DHRS12: variants seen among roughly 807,000 people sequenced by gnomAD.
The protein encoded by DHRS12 is dehydrogenase/reductase SDR family member 12.
Under a neutral mutation model 32.1 loss-of-function variants are expected in DHRS12, and 29 were observed. The ratio of observed to expected loss-of-function variants is 0.90; its 90% confidence interval spans 0.67 to 1.23. DHRS12 has a LOEUF of 1.23. Among genes scored for constraint, DHRS12 ranks in the 50% most tolerant of loss-of-function variants. DHRS12 has a pLI of 0.00. For synonymous variants in DHRS12, 150 were observed against 135.9 expected (o/e 1.10, Z -0.72); for missense variants, 330 against 337.2 (o/e 0.98, Z 0.17).
intron 2 of DHRS12, 102 bp downstream of exon 2, chr13:51,799,431 AG>A: frequency 1.3e-6 from 2 of 1,525,920 alleles, no homozygotes; most frequent in Non-Finnish European, 1.8e-6. Flanking sequence ...ATCGCCGTCC[AG>A]GACTTCCTGG....
At chr13:51,778,071 G>C (rs1392263459) in intron 4 of DHRS12, among the ~76,000 whole-genome samples, 1 of 152,178 alleles carries the variant, frequency 6.6e-6, no homozygotes, top group East Asian at 1.9e-4. Flanking sequence ...CATCCAGCTC[G>C]CAGGAGCTGC....
chr13:51,756,394 C>G, the DHRS12 span: 2 of 1,614,082 alleles, frequency 1.2e-6, no homozygotes, highest in Non-Finnish European at 1.7e-6. Context: ...GCTCCTCCAT[C>G]CCCCTGATGG....
chr13:51,771,261 A>C, intron 7 of DHRS12: 1 of 1,552,508 alleles, frequency 6.4e-7, no homozygotes, highest in Non-Finnish European at 8.7e-7. Context: ...TTTGTAGAGG[A>C]GGAAAGAGCT....
chr13:51,772,937 G>A (rs779998075), intron 6 of DHRS12: 42 of 985,374 alleles, frequency 4.3e-5, no homozygotes, highest in Admixed American at 6.1e-5. Flanking sequence ...AAGAAGTGGA[G>A]GTGCAGAGAG....
At chr13:51,803,884 G>T (rs951044932) in intron 1 of DHRS12, 170 bp downstream of exon 1, 2 of 521,842 alleles carry the variant, frequency 3.8e-6, no homozygotes, top group Non-Finnish European at 5.8e-6. Flanking sequence ...ACTGCCCCAC[G>T]CCCAGCCGTG....
chr13:51,800,679 G>A (rs1380579567), intron 1 of DHRS12, among the ~76,000 whole-genome samples: 1 of 152,264 alleles, frequency 6.6e-6, no homozygotes, highest in African/African-American at 2.4e-5. Flanking sequence ...CCCTGGTACA[G>A]CACAACTGCC....
At chr13:51,780,252 T>C (rs1303114206) in intron 4 of DHRS12, among the ~76,000 whole-genome samples, 1 of 152,162 alleles carries the variant, frequency 6.6e-6, no homozygotes, top group Non-Finnish European at 1.5e-5. Flanking sequence ...TTATAAATGG[T>C]TAATGGGTGC....
intron 4 of DHRS12, among the ~76,000 whole-genome samples, chr13:51,788,897 A>G (rs1955126272): frequency 6.6e-6 from 1 of 151,992 alleles, no homozygotes; most frequent in African/African-American, 2.4e-5. Flanking sequence ...TTTGGGGACA[A>G]TCAGCGGGGC....
chr13:51,754,989 C>T, the DHRS12 span, among the ~76,000 whole-genome samples: 3 of 152,200 alleles, frequency 2.0e-5, no homozygotes, highest in South Asian at 2.1e-4. Flanking sequence ...CATCTGTGCT[C>T]CAGCCATCCC....
At chr13:51,789,058 C>G (rs1193365831) in intron 4 of DHRS12, among the ~76,000 whole-genome samples, 3 of 152,142 alleles carry the variant, frequency 2.0e-5, no homozygotes. Flanking sequence ...TTCAACCAGC[C>G]TTATCAGTAA....
chr13:51,768,697 G>A (rs1953867628), intron 8 of DHRS12: 5 of 1,126,122 alleles, frequency 4.4e-6, no homozygotes, highest in South Asian at 2.8e-5. Context: ...TTCGGATGGC[G>A]TCCACTCACA....
chr13:51,766,474 A>C (rs772008456), downstream of DHRS12: 4 of 152,140 alleles, frequency 2.6e-5, no homozygotes, highest in African/African-American at 7.2e-5. Context: ...CAGGCTGAGA[A>C]TGTAATAAGC....
chr13:51,762,059 A>G, the DHRS12 span: 1 of 152,236 alleles, frequency 6.6e-6, no homozygotes, highest in African/African-American at 2.4e-5. Context: ...TTATTACTAG[A>G]AGCTGCAGCC....
chr13:51,799,667 C>T lies in DHRS12; in HGVS notation c.-8G>A. 3 of 1,613,740 alleles carry T rather than the reference C, an allele frequency of 1.9e-6. No homozygotes were observed. Among genetic ancestry groups the T allele is most frequent in the Non-Finnish European group, 2.5e-6 (3 of 1,179,936 alleles). On this transcript the variant is annotated splice_region_variant and 5_prime_UTR_variant, in exon 2 of 9. Coordinates refer to ENST00000444610, the MANE Select transcript of DHRS12 (RefSeq NM_001377533.1). ...CTTTACATGCAGATTCATAGCCACT[C>T]CTAGAAAGAGGAGACCCACAGGAAG...
intron 1 of DHRS12, among the ~76,000 whole-genome samples, chr13:51,801,931 T>C (rs1478544524): frequency 6.6e-6 from 1 of 152,118 alleles, no homozygotes; most frequent in Admixed American, 6.5e-5. Flanking sequence ...CTCCTCTGGG[T>C]TGAACCTCTT....
intron 4 of DHRS12, among the ~76,000 whole-genome samples, chr13:51,787,875 AAT>A (rs1566296648): frequency 3.8e-5 from 5 of 131,580 alleles, no homozygotes; most frequent in African/African-American, 1.1e-4. Context: ...ATAAATATAT[AAT>A]TATATATAAT....
At chr13:51,799,407 C>T in intron 2 of DHRS12, 127 bp downstream of exon 2, 1 of 1,420,062 alleles carries the variant, frequency 7.0e-7, no homozygotes. Flanking sequence ...GGCAGCTGTG[C>T]CCAGAACCAT....
chr13:51,769,360 AT>A, intron 7 of DHRS12, 67 bp from the exon 8 acceptor site: 139 of 1,216,660 alleles, frequency 1.1e-4, no homozygotes, highest in Non-Finnish European at 1.4e-4. Flanking sequence ...ACTTCCCTTA[AT>A]TTAAAAAAAA....
In DHRS12 at chr13:51,778,842, C is replaced by G. The variant is rs1954567517; in HGVS notation, c.302-1721G>C. Among the ~76,000 whole-genome samples the G allele has an allele frequency of 2.6e-5, 4 of 151,960 alleles. No individual in the cohort carries two copies. The South Asian group carries it at 8.3e-4, about 32-fold the overall frequency. On this transcript the variant is annotated intron_variant, in intron 4 of 8. Coordinates refer to ENST00000444610, the MANE Select transcript of DHRS12 (RefSeq NM_001377533.1). ...GTAGCAGGTGCTTTTAAAAAAACTCCTAGAGAAACACAATAATAATCTGCT... is the reference window on the plus strand; with the variant it reads ...GTAGCAGGTGCTTTTAAAAAAACTCGTAGAGAAACACAATAATAATCTGCT...
Sources: allele counts gnomAD v4.1 joint callset (sites outside exome capture counted in the v4.1 genomes callset), GRCh38; gene constraint gnomAD v4.1.1; transcripts MANE v1.5; gene names NCBI Gene and HGNC (gene_info 2026-07-23, HGNC 2026-07-21).